CACNA1E: variants seen among roughly 807,000 people sequenced by gnomAD.
The protein encoded by CACNA1E is calcium voltage-gated channel subunit alpha1 E.
CACNA1E carries 40 observed loss-of-function variants against 259.2 expected under a neutral mutation model. That is an observed-to-expected ratio of 0.15 (90% CI 0.12 to 0.20). The LOEUF (loss-of-function observed/expected upper bound fraction) is 0.20. Among genes scored for constraint, CACNA1E ranks in the 10% least tolerant of loss-of-function variants. The probability of loss-of-function intolerance (pLI) is 1.00; values close to 1 mark genes in which losing one functional copy is unlikely to be tolerated. For missense variants in CACNA1E, 1,874 were observed against 3,040.1 expected (o/e 0.62, Z 9.02); for synonymous variants, 1,104 against 1,138.5 (o/e 0.97, Z 0.61).
At chr1:181,752,087 G>A in intron 26 of CACNA1E, 56 bp from the exon 27 acceptor site, 1 of 1,212,596 alleles carries the variant, frequency 8.2e-7, no homozygotes, top group Non-Finnish European at 1.2e-6. Flanking sequence ...TAGTTTGAAT[G>A]TCATTTTTAT....
chr1:181,603,371 CAAA>C (rs888398398), intron 6 of CACNA1E, among the ~76,000 whole-genome samples: 60 of 152,242 alleles, frequency 3.9e-4, no homozygotes, highest in African/African-American at 1.4e-3. Flanking sequence ...ACAACCATCT[CAAA>C]AGAAGTGTTG....
intron 1 of CACNA1E, among the ~76,000 whole-genome samples, chr1:181,328,000 G>T (rs555874932): frequency 6.6e-6 from 1 of 152,216 alleles, no homozygotes; most frequent in Non-Finnish European, 1.5e-5. Context: ...CTCTCTTCAC[G>T]ATTTCACGTC....
At chr1:181,679,142 T>C (rs139811192) in intron 7 of CACNA1E, among the ~76,000 whole-genome samples, 249 of 151,934 alleles carry the variant, frequency 1.6e-3, no homozygotes, top group African/African-American at 5.9e-3. Context: ...GGGAGTAGAG[T>C]TGTAAACGAT....
At chr1:181,426,431 ACT>A (rs1659208879) in intron 2 of CACNA1E, among the ~76,000 whole-genome samples, 1 of 138,302 alleles carries the variant, frequency 7.2e-6, no homozygotes, top group African/African-American at 2.8e-5. Context: ...CCCCTTCACA[ACT>A]CAACCCCATT....
intron 3 of CACNA1E, 126 bp from the exon 4 acceptor site, chr1:181,577,640 C>A: frequency 1.8e-6 from 1 of 551,924 alleles, no homozygotes; most frequent in Non-Finnish European, 3.3e-6. Flanking sequence ...TCAGGTGCAC[C>A]CACATACAGC....
upstream of CACNA1E, among the ~76,000 whole-genome samples, chr1:181,480,991 G>A (rs1042474347): frequency 6.6e-6 from 1 of 152,272 alleles, no homozygotes; most frequent in East Asian, 1.9e-4. Flanking sequence ...ATTTCTGAAA[G>A]CCCTTTTTCT....
At chr1:181,452,741 C>T (rs781167072) in intron 2 of CACNA1E, among the ~76,000 whole-genome samples, 13 of 152,358 alleles carry the variant, frequency 8.5e-5, no homozygotes, top group Non-Finnish European at 1.8e-4. Flanking sequence ...TGCTTAACCA[C>T]ATACAAGATC....
rs1660011300 is a variant in CACNA1E at position 181,776,790 on chromosome 1, T to C, written c.5267+562T>C. Among the ~76,000 whole-genome samples the C allele has an allele frequency of 6.6e-6, 1 of 152,242 alleles. No individual in the cohort carries two copies. Among genetic ancestry groups the C allele is most frequent in the Admixed American group, 6.5e-5 (1 of 15,290 alleles). ...TAGGAATTGGTGAAGATAACTTCTT[T>C]ACTGTCTCTTTTGCTGTTTAGTAGT... On this transcript the variant is annotated intron_variant, in intron 38 of 47. Coordinates refer to ENST00000367573, the MANE Select transcript of CACNA1E (RefSeq NM_001205293.3). The surrounding 1 kb of genome is among the most constrained non-coding windows in gnomAD (Gnocchi z 4.4).
chr1:181,418,031 CA>C (rs1344411428), intron 2 of CACNA1E, among the ~76,000 whole-genome samples: 7 of 152,216 alleles, frequency 4.6e-5, no homozygotes, highest in African/African-American at 1.7e-4. Flanking sequence ...GGCAAACAAA[CA>C]GCTGTTGACA....
At chr1:181,717,942 C>T (rs1321185493) in intron 11 of CACNA1E, 113 bp from the exon 12 acceptor site, 3 of 624,750 alleles carry the variant, frequency 4.8e-6, no homozygotes, top group Non-Finnish European at 2.9e-6. Flanking sequence ...ATGTGGCCAC[C>T]GAATGTCCTG....
At chr1:181,377,483 T>G (rs1488555230) in intron 1 of CACNA1E, among the ~76,000 whole-genome samples, 1 of 152,180 alleles carries the variant, frequency 6.6e-6, no homozygotes, top group Non-Finnish European at 1.5e-5. Context: ...AGGATCACTT[T>G]GGAGGTTATG....
chr1:181,668,593 C>T (rs182398431), intron 7 of CACNA1E, among the ~76,000 whole-genome samples: 1 of 152,272 alleles, frequency 6.6e-6, no homozygotes, highest in African/African-American at 2.4e-5. Context: ...GTGGCTGTTC[C>T]ATTTTACATT....
At chr1:181,409,118 A>T (rs2102128529) in intron 1 of CACNA1E, among the ~76,000 whole-genome samples, 1 of 152,346 alleles carries the variant, frequency 6.6e-6, no homozygotes, top group East Asian at 1.9e-4. Context: ...AGTCATTCCC[A>T]TTCATTTACA....
intron 1 of CACNA1E, among the ~76,000 whole-genome samples, chr1:181,494,458 C>G (rs561002294): frequency 8.6e-5 from 13 of 151,866 alleles, no homozygotes; most frequent in South Asian, 2.1e-4. Flanking sequence ...ATTTTTGAAT[C>G]TAGATTCAGG....
chr1:181,367,905 C>T (rs1382856997), intron 1 of CACNA1E, among the ~76,000 whole-genome samples: 4 of 152,024 alleles, frequency 2.6e-5, no homozygotes, highest in Non-Finnish European at 5.9e-5. Context: ...TTTAACAATG[C>T]TTTTGATAGA....
chr1:181,488,924 C>T (rs1227975380), intron 1 of CACNA1E, among the ~76,000 whole-genome samples: 1 of 152,096 alleles, frequency 6.6e-6, no homozygotes, highest in Non-Finnish European at 1.5e-5. Flanking sequence ...CTGCTGCTTT[C>T]CCCCTTCTTT....
intron 17 of CACNA1E, among the ~76,000 whole-genome samples, chr1:181,724,740 A>C (rs1654736377): frequency 6.6e-6 from 1 of 152,218 alleles, no homozygotes; most frequent in Non-Finnish European, 1.5e-5. Flanking sequence ...GCCTCAACCT[A>C]GCCCAGGGGG....
intron 25 of CACNA1E, among the ~76,000 whole-genome samples, chr1:181,742,262 G>A (rs750912450): frequency 6.6e-6 from 1 of 152,214 alleles, no homozygotes; most frequent in Non-Finnish European, 1.5e-5. Flanking sequence ...CCAGCAGAGA[G>A]AGGGCCTGGC....
At chr1:181,511,251 C>G in intron 2 of CACNA1E, 120 bp from the exon 3 acceptor site, 1 of 1,195,122 alleles carries the variant, frequency 8.4e-7, no homozygotes, top group South Asian at 1.4e-5. Context: ...ACCCTTGCTT[C>G]CCACCTACAC....
Sources: allele counts gnomAD v4.1 joint callset (sites outside exome capture counted in the v4.1 genomes callset), GRCh38; gene constraint gnomAD v4.1.1; non-coding constraint Gnocchi (gnomAD v3.1); transcripts MANE v1.5; gene names NCBI Gene and HGNC (gene_info 2026-07-23, HGNC 2026-07-21).